PAIP1: variants seen among roughly 807,000 people sequenced by gnomAD.
The protein encoded by PAIP1 is polyadenylate-binding protein-interacting protein 1.
Under a neutral mutation model 61.3 loss-of-function variants are expected in PAIP1, and 16 were observed. The ratio of observed to expected loss-of-function variants is 0.26; its 90% CI spans 0.18 to 0.40. PAIP1 has a LOEUF of 0.40. Among genes scored for constraint, PAIP1 ranks in the 10% least tolerant of loss-of-function variants. The pLI, the probability that PAIP1 is intolerant of heterozygous loss-of-function variation, is 1.00. For missense variants in PAIP1, 416 were observed against 600.9 expected (o/e 0.69, Z 3.22); for synonymous variants, 187 against 226.2 (o/e 0.83, Z 1.56).
chr5:43,550,785 A>G (rs558739895), intron 2 of PAIP1, among the ~76,000 whole-genome samples: 2 of 139,738 alleles, frequency 1.4e-5, no homozygotes, highest in South Asian at 4.8e-4. Flanking sequence ...CTCTCCTCTC[A>G]TGGAGCTCAT....
chr5:43,534,464 G>A (rs1461841030), intron 8 of PAIP1, among the ~76,000 whole-genome samples: 1 of 152,162 alleles, frequency 6.6e-6, no homozygotes, highest in East Asian at 1.9e-4. Context: ...CTCCCAAAGC[G>A]CTGGGATTAC....
rs752581221 is a variant in PAIP1, at chr5:43,555,898, C to A, written c.367G>T (p.Val123Leu). ...TTCACAGACAGCTTAGACATTAATA[C>A]AGGAGCTACAACCACCTGGGGCTTA... ...MAKPQVVVAP[V>L]LMSKLSVNAP... is the part of the protein sequence containing the mutation. Residue 123 changes from valine (V) to leucine (L), a missense_variant, in exon 2 of 11, where the codon GTA (valine) becomes TTA (leucine). Val to Leu is a conservative substitution (Grantham distance 32, BLOSUM62 1). This residue lies in a region of PAIP1 where 180 missense variants were observed against 211.2 expected (regional missense o/e 0.85). Coordinates refer to ENST00000306846, the MANE Select transcript of PAIP1 (RefSeq NM_006451.5). 2 of 1,613,922 alleles carry A rather than the reference C, an allele frequency of 1.2e-6. No individual in the cohort carries two copies. The highest frequency in any genetic ancestry group is 1.7e-6 in the Non-Finnish European group (2 of 1,179,888).
At chr5:43,547,623 G>A in intron 3 of PAIP1, 105 bp downstream of exon 3, 4 of 694,970 alleles carry the variant, frequency 5.8e-6, no homozygotes, top group South Asian at 2.0e-5. Flanking sequence ...AAGAGTAAGT[G>A]TGGAGGCAGG....
chr5:43,536,502 G>GGCAAAA (rs1747161822), intron 6 of PAIP1, among the ~76,000 whole-genome samples: 1 of 151,898 alleles, frequency 6.6e-6, no homozygotes, highest in Non-Finnish European at 1.5e-5. Context: ...TTCATTAGGT[G>GGCAAAA]GCAAAAACAA....
rs1488783469 is a variant in PAIP1 at position 43,527,379 on chromosome 5, C to T, written c.1437G>A (p.Gln479=). Residue 479 remains glutamine (Q), a synonymous_variant, in exon 11 of 11, where the codon CAG becomes CAA. Transcript: ENST00000306846. ...FCLESERKRK[Q] The stretch of plus-strand genomic sequence containing the variant: ...ACTGATATGCTGAAATTTAACTTTA[C>T]TGTTTTCGCTTACGCTCTGATTCCA... The T allele has an allele frequency of 1.9e-6, 3 of 1,584,618 alleles. No individual in the cohort carries two copies. The highest frequency in any genetic ancestry group is 1.2e-5 in the South Asian group (1 of 85,826).
rs1422504575 is a variant in PAIP1 at position 43,541,427 on chromosome 5, C to T, written c.734+1577G>A. Among the ~76,000 whole-genome samples the T allele has an allele frequency of 4.7e-5, 7 of 147,864 alleles. No homozygotes were observed. The Admixed American group carries it at 4.8e-4, about 10-fold the overall frequency. On this transcript the variant is annotated intron_variant, in intron 4 of 10. Transcript: ENST00000306846. Reference sequence around the variant, plus strand: ...TCAGCCTCCCAAAGTACTGGGATTACAGGCATGAGCCACTGTGCCCCACCT... The same window carrying T: ...TCAGCCTCCCAAAGTACTGGGATTATAGGCATGAGCCACTGTGCCCCACCT...
intron 3 of PAIP1, among the ~76,000 whole-genome samples, chr5:43,547,042 CAAAAAA>C (rs766493987): frequency 2.0e-3 from 71 of 35,654 alleles, no homozygotes; most frequent in South Asian, 9.7e-3. Context: ...GACTCCATAT[CAAAAAA>C]AAAAAAAAAA....
At position 43,527,234 on chromosome 5, in the gene PAIP1, A is replaced by C; in HGVS notation, c.*142T>G. 2.0e-6 allele frequency: 1 copy of C among 496,966 alleles called. No individual in the cohort carries two copies. Among genetic ancestry groups the C allele is most frequent in the South Asian group, 4.5e-5 (1 of 22,188 alleles). 30.8% of individuals were successfully genotyped at this position (496,966 alleles called of 1,614,324 possible). On this transcript the variant is annotated 3_prime_UTR_variant, in exon 11 of 11. Transcript: ENST00000306846. ...AAGTTTATTTTGGCAGATAGTGTTA[A>C]ACAAAATTAAAGTTGCATACATTAG...
rs115554219 is a variant in PAIP1 at position 43,555,386 on chromosome 5, C to T, written c.435+444G>A. On this transcript the variant is annotated intron_variant, in intron 2 of 10. Coordinates refer to ENST00000306846, the MANE Select transcript of PAIP1 (RefSeq NM_006451.5). ...TGGGTTTATCCAGTACAACAAATTC[C>T]TTTCTACATATTCCAACTGTGCTTT... Among the ~76,000 whole-genome samples, 1,514 of 152,282 alleles carry T rather than the reference C, an allele frequency of 9.9e-3. 27 individuals carry two copies. The highest frequency in any genetic ancestry group is 0.035 in the African/African-American group (1,469 of 41,550).
chr5:43,543,179 C>T, intron 3 of PAIP1, 63 bp from the exon 4 acceptor site: 2 of 788,114 alleles, frequency 2.5e-6, no homozygotes, highest in South Asian at 3.3e-5. Flanking sequence ...AAATACTTAA[C>T]AGCAACATTC....
chr5:43,554,199 A>G (rs1747975417), intron 2 of PAIP1, among the ~76,000 whole-genome samples: 1 of 152,228 alleles, frequency 6.6e-6, no homozygotes, highest in Admixed American at 6.5e-5. Context: ...TTGATACACG[A>G]TTATTACATA....
intron 2 of PAIP1, among the ~76,000 whole-genome samples, chr5:43,548,174 A>G (rs558159961): frequency 1.3e-5 from 2 of 152,372 alleles, no homozygotes; most frequent in Admixed American, 6.5e-5. Flanking sequence ...GCTGAGGAAT[A>G]AAGTTTAAAC....
intron 4 of PAIP1, among the ~76,000 whole-genome samples, chr5:43,541,752 TAAG>T (rs1253645669): frequency 8.5e-6 from 1 of 117,698 alleles, no homozygotes; most frequent in Non-Finnish European, 1.9e-5. Flanking sequence ...CATCAAATTA[TAAG>T]AAAACTAGTT....
chr5:43,542,489 G>A (rs921657226), intron 4 of PAIP1, among the ~76,000 whole-genome samples: 39 of 149,768 alleles, frequency 2.6e-4, no homozygotes, highest in Middle Eastern at 3.6e-3. Context: ...AGCCAAGAGC[G>A]TGCCGCTGCA....
intron 2 of PAIP1, among the ~76,000 whole-genome samples, chr5:43,551,375 T>C (rs553013928): frequency 6.6e-6 from 1 of 152,328 alleles, no homozygotes; most frequent in South Asian, 2.1e-4. Flanking sequence ...TACATTATCA[T>C]ATATCTGTAT....
In PAIP1 at chr5:43,531,656, C is replaced by CAAA. The variant is rs369954867; in HGVS notation, c.1253-1780_1253-1778dup. Among the ~76,000 whole-genome samples, 207 of 59,858 alleles carry CAAA rather than the reference C, an allele frequency of 3.5e-3. 14 individuals are homozygous for CAAA. The highest frequency in any genetic ancestry group is 5.5e-3 in the Admixed American group (23 of 4,152). 39.3% of individuals were successfully genotyped at this position (59,858 alleles called of 152,430 possible). On this transcript the variant is annotated intron_variant, in intron 9 of 10. Transcript: ENST00000306846. ...TGGGTAACAGAGTGAGACTCTGTCT[C>CAAA]AAAAAAAAAAAAAAAAAAAAAGAGA...
intron 4 of PAIP1, among the ~76,000 whole-genome samples, chr5:43,540,711 T>C (rs1440984246): frequency 6.6e-6 from 1 of 152,234 alleles, no homozygotes; most frequent in African/African-American, 2.4e-5. Flanking sequence ...CTAGTATTTC[T>C]CTACATTATT....
chr5:43,540,705 T>C (rs1423397200), intron 4 of PAIP1, among the ~76,000 whole-genome samples: 1 of 152,240 alleles, frequency 6.6e-6, no homozygotes, highest in Non-Finnish European at 1.5e-5. Flanking sequence ...AGCTCACTAG[T>C]ATTTCTCTAC....
At chr5:43,553,415 G>A (rs1291223747) in intron 2 of PAIP1, among the ~76,000 whole-genome samples, 2 of 152,156 alleles carry the variant, frequency 1.3e-5, no homozygotes, top group Admixed American at 1.3e-4. Flanking sequence ...ATAAATGTCT[G>A]CAAACTGAGC....
Sources: allele counts gnomAD v4.1 joint callset (sites outside exome capture counted in the v4.1 genomes callset), GRCh38; gene constraint gnomAD v4.1.1; regional missense constraint gnomAD v4.1.1; transcripts MANE v1.5; gene names NCBI Gene and HGNC (gene_info 2026-07-23, HGNC 2026-07-21).